Variants in ATP4A observed in about 807,000 individuals in gnomAD.
ATP4A encodes ATPase H+/K+ transporting subunit alpha.
In ATP4A, 73 loss-of-function variants were observed where a neutral mutation model predicts 112.1. That is an observed-to-expected ratio of 0.65 (90% CI 0.54 to 0.79). ATP4A has a LOEUF of 0.79. Ranked by LOEUF, ATP4A falls within the 30% of genes least tolerant of loss-of-function variation. ATP4A has a pLI of 0.00. For missense variants in ATP4A, 1,081 were observed against 1,425.9 expected (o/e 0.76, Z 3.90); for synonymous variants, 588 against 588.9 (o/e 1.00, Z 0.02).
chr19:35,559,947 A>G lies in ATP4A; in HGVS notation c.914T>C (p.Ile305Thr), dbSNP rs768066966. The G allele has an allele frequency of 6.2e-7, 1 of 1,614,218 alleles. No individual in the cohort carries two copies. Among genetic ancestry groups the G allele is most frequent in the East Asian group, 2.2e-5 (1 of 44,878 alleles). Residue 305 changes from isoleucine to threonine, a missense_variant, in exon 7 of 22, where the codon ATC becomes ACC. Transcript: ENST00000262623. This position sits in a 1 kb window ranked among gnomAD's most constrained non-coding sequence, Gnocchi z 4.1. ...IAIEIEHFVD[I>T]IAGLAILFGA... Reference sequence around the variant, plus strand: ...GAAGAGAATGGCCAGGCCCGCGATGATGTCCACAAAATGCTCGATCTCGAT... The same window carrying G: ...GAAGAGAATGGCCAGGCCCGCGATGGTGTCCACAAAATGCTCGATCTCGAT...
chr19:35,555,868 C>A lies in ATP4A; in HGVS notation c.1870-56G>T. 1 of 1,551,416 alleles carries A rather than the reference C, an allele frequency of 6.4e-7. No homozygotes were observed. The highest frequency in any genetic ancestry group is 8.8e-7 in the Non-Finnish European group (1 of 1,142,494). On this transcript the variant is annotated intron_variant, in intron 12 of 21. Transcript: ENST00000262623. This position sits in a 1 kb window ranked among gnomAD's most constrained non-coding sequence, Gnocchi z 6.6. ...CTTCAGATCAGCCCAATCTCCCTGT[C>A]CTCCCTGGGAGACATCTGCTGATAC...
At chr19:35,562,403 T>C (rs775625058) in intron 4 of ATP4A, 32 bp downstream of exon 4, 13 of 1,600,270 alleles carry the variant, frequency 8.1e-6, no homozygotes, top group Non-Finnish European at 1.1e-5. Flanking sequence ...CAGGTCCCCA[T>C]GTCCTGAGCC....
Position 35,559,254 on chromosome 19 carries a change from G to C in ATP4A, c.1057-63C>G, listed in dbSNP as rs566430523. 418 of 1,544,218 alleles carry C rather than the reference G, an allele frequency of 2.7e-4. No homozygotes were observed. In the African/African-American group the frequency reaches 4.9e-3, roughly 18 times the overall value. On this transcript the variant is annotated intron_variant, in intron 7 of 21. Transcript: ENST00000262623. The surrounding 1 kb of genome is among the most constrained non-coding windows in gnomAD (Gnocchi z 4.1). ...CCTGGCTTCCAGTCCTCTTCCCCGCGTCAAAGAACGGGGAAGGCTTTACCC... is the reference window on the plus strand; with the variant it reads ...CCTGGCTTCCAGTCCTCTTCCCCGCCTCAAAGAACGGGGAAGGCTTTACCC...
chr19:35,558,127 C>A lies in ATP4A; in HGVS notation c.1500+235G>T. 1 of 635,440 alleles carries A rather than the reference C, an allele frequency of 1.6e-6. No homozygotes were observed. The highest frequency in any genetic ancestry group is 2.7e-6 in the Non-Finnish European group (1 of 375,566). 39.4% of individuals were successfully genotyped at this position (635,440 alleles called of 1,614,324 possible). A position where few individuals can be genotyped will look rare whatever the true frequency, so the allele number is the denominator to read the frequency against. ...TTGGGCTGGGGGCGGATTTGGAGAG[C>A]GAGGTGCTCCCCATGGACAGTCCCG... On this transcript the variant is annotated intron_variant, in intron 10 of 21. Transcript: ENST00000262623. This position sits in a 1 kb window ranked among gnomAD's most constrained non-coding sequence, Gnocchi z 5.1.
chr19:35,557,233 G>C lies in ATP4A; in HGVS notation c.1694-145C>G, dbSNP rs1361729077. 5 of 927,488 alleles carry C rather than the reference G, an allele frequency of 5.4e-6. No individual in the cohort carries two copies. The highest frequency in any genetic ancestry group is 8.0e-6 in the Non-Finnish European group (5 of 622,288). 57.5% of individuals were successfully genotyped at this position (927,488 alleles called of 1,614,324 possible). On this transcript the variant is annotated intron_variant, in intron 11 of 21. Coordinates refer to ENST00000262623, the MANE Select transcript of ATP4A (RefSeq NM_000704.3). This position sits in a 1 kb window ranked among gnomAD's most constrained non-coding sequence, Gnocchi z 4.4. ...GCTGACCCCTTCACTCACATTATCT[G>C]AATCTACCCTCACAACCACCCTGTG...
rs777249685 is a variant in ATP4A, at chr19:35,555,146, C to T, written c.2326+20G>A. The T allele has an allele frequency of 6.2e-7, 1 of 1,614,060 alleles. No homozygotes were observed. Reference sequence around the variant, plus strand: ...CTCCTGTGCCCACACTGCCTGCCCTCCCCCTGGCGTGGCTCGGACCCTGCT... The same window carrying T: ...CTCCTGTGCCCACACTGCCTGCCCTTCCCCTGGCGTGGCTCGGACCCTGCT... On this transcript the variant is annotated intron_variant, in intron 15 of 21. Transcript: ENST00000262623. This position sits in a 1 kb window ranked among gnomAD's most constrained non-coding sequence, Gnocchi z 6.6.
chr19:35,555,803 C>A lies in ATP4A; in HGVS notation c.1879G>T (p.Val627Leu). The A allele has an allele frequency of 6.2e-7, 1 of 1,611,952 alleles. No individual in the cohort carries two copies. The highest frequency in any genetic ancestry group is 8.5e-7 in the Non-Finnish European group (1 of 1,178,484). Residue 627 changes from valine (V) to leucine (L), a missense_variant, in exon 13 of 22, where the codon GTA (valine) becomes TTA (leucine). Val to Leu is a conservative substitution (Grantham distance 32). Transcript: ENST00000262623. The surrounding 1 kb of genome is among the most constrained non-coding windows in gnomAD (Gnocchi z 6.6). ...CRTAGIRVIMVTGDHPITAKA... is the reference protein window; with the variant it reads ...CRTAGIRVIMLTGDHPITAKA... ...GCGGTGATGGGGTGGTCACCCGTTA[C>A]CATGATCACCTGTAGGGGGAACCAG... is the stretch of plus-strand genomic sequence containing the variant.
In ATP4A at chr19:35,550,613, C is replaced by T; in HGVS notation, c.*2G>A. On this transcript the variant is annotated 3_prime_UTR_variant, in exon 22 of 22. Transcript: ENST00000262623. This position sits in a 1 kb window ranked among gnomAD's most constrained non-coding sequence, Gnocchi z 4.1. ...CAGGGATGCTTGAAGGCAGTCGTCC[C>T]TCTAATAGTAGAGTTCCTGGTCCCA... 1 of 1,613,864 alleles carries T rather than the reference C, an allele frequency of 6.2e-7. No individual in the cohort carries two copies. Among genetic ancestry groups the T allele is most frequent in the African/African-American group, 1.3e-5 (1 of 74,988 alleles).
rs541624751 is a variant in ATP4A, at chr19:35,551,632, G to A, written c.2752-52C>T. 20 of 1,582,272 alleles carry A rather than the reference G, an allele frequency of 1.3e-5. No individual in the cohort carries two copies. The Admixed American group carries it at 2.2e-4, about 17-fold the overall frequency. Reference sequence around the variant, plus strand: ...GCCTGAGTCCAGCCTGAGTCCCGGCGGAGAGCCTCTGCAGCCCACCGGGCA... The same window carrying A: ...GCCTGAGTCCAGCCTGAGTCCCGGCAGAGAGCCTCTGCAGCCCACCGGGCA... On this transcript the variant is annotated intron_variant, in intron 18 of 21. Coordinates refer to ENST00000262623, the MANE Select transcript of ATP4A (RefSeq NM_000704.3). The surrounding 1 kb of genome is among the most constrained non-coding windows in gnomAD (Gnocchi z 5.2).
chr19:35,552,920 T>G (rs1599570273), intron 18 of ATP4A, 117 bp downstream of exon 18: 16 of 1,316,442 alleles, frequency 1.2e-5, no homozygotes, highest in South Asian at 3.3e-5. Context: ...AGTCTGGGGG[T>G]CCGGGATGCT....
chr19:35,550,570 C>T lies in ATP4A; in HGVS notation c.*45G>A, dbSNP rs1378945556. The T allele has an allele frequency of 2.5e-6, 4 of 1,611,496 alleles. No homozygotes were observed. The highest frequency in any genetic ancestry group is 2.7e-5 in the African/African-American group (2 of 74,852). On this transcript the variant is annotated 3_prime_UTR_variant, in exon 22 of 22. Coordinates refer to ENST00000262623, the MANE Select transcript of ATP4A (RefSeq NM_000704.3). The surrounding 1 kb of genome is among the most constrained non-coding windows in gnomAD (Gnocchi z 4.1). Reference sequence around the variant, plus strand: ...CAGAGGGTCCCACGAGCCCTGCCCCCACCTGCTGTGGCAGTTGCAGGGATG... The same window carrying T: ...CAGAGGGTCCCACGAGCCCTGCCCCTACCTGCTGTGGCAGTTGCAGGGATG...
chr19:35,556,595 G>C (rs965019499), intron 12 of ATP4A, among the ~76,000 whole-genome samples: 6 of 152,146 alleles, frequency 3.9e-5, no homozygotes, highest in African/African-American at 1.4e-4. Flanking sequence ...CTTTTTGTGG[G>C]GTGGCTAAGC....
At position 35,558,224 on chromosome 19, in the gene ATP4A, AGC is replaced by A; in HGVS notation, c.1500+136_1500+137del. The A allele has an allele frequency of 2.6e-6, 3 of 1,161,698 alleles. No homozygotes were observed. 72.0% of individuals were successfully genotyped at this position (1,161,698 alleles called of 1,614,324 possible). ...CTCTGGTGGACGGGGCCATAGGCGG[AGC>A]GGGAGATGGGGTGGGGTTTGGCTGC... On this transcript the variant is annotated intron_variant, in intron 10 of 21. Transcript: ENST00000262623. This position sits in a 1 kb window ranked among gnomAD's most constrained non-coding sequence, Gnocchi z 5.1.
rs778068179 is a variant in ATP4A at position 35,560,772 on chromosome 19, G to A, written c.534+47C>T. ...CTGATGGAAGGAGGCTACAGGAGCA[G>A]TTTGGAGTCTCTGGGATCTGGAGTG... is the stretch of plus-strand genomic sequence containing the variant. On this transcript the variant is annotated intron_variant, in intron 5 of 21. Coordinates refer to ENST00000262623, the MANE Select transcript of ATP4A (RefSeq NM_000704.3). This position sits in a 1 kb window ranked among gnomAD's most constrained non-coding sequence, Gnocchi z 5.1. 6.3e-7 allele frequency: 1 copy of A among 1,599,166 alleles called. No homozygotes were observed. Among genetic ancestry groups the A allele is most frequent in the Non-Finnish European group, 8.6e-7 (1 of 1,166,450 alleles).
Position 35,558,320 on chromosome 19 carries a change from G to A in ATP4A, c.1500+42C>T. 1.3e-6 allele frequency: 2 copies of A among 1,576,616 alleles called. No individual in the cohort carries two copies. Among genetic ancestry groups the A allele is most frequent in the Non-Finnish European group, 1.7e-6 (2 of 1,161,074 alleles). On this transcript the variant is annotated intron_variant, in intron 10 of 21. Transcript: ENST00000262623. The surrounding 1 kb of genome is among the most constrained non-coding windows in gnomAD (Gnocchi z 5.1). ...GTGGGTGTGGCCTGGGGCGGGGCCC[G>A]AGGTGGGCGGGCCCAGGCCGTGGGC... is the stretch of plus-strand genomic sequence containing the variant.
rs753645038 is a variant in ATP4A, at chr19:35,555,203, A to G, written c.2289T>C (p.Asp763=). The stretch of plus-strand genomic sequence containing the variant: ...CTGTCACAATGGAGGCAAAGTTGTC[A>G]TCCAGCAGGATCATGTCAGCTGCAT... The part of the protein sequence containing the change: ...AKNAADMILL[D]DNFASIVTGV... Residue 763 remains aspartate, a synonymous_variant, in exon 15 of 22, where the codon GAT becomes GAC. Coordinates refer to ENST00000262623, the MANE Select transcript of ATP4A (RefSeq NM_000704.3). The surrounding 1 kb of genome is among the most constrained non-coding windows in gnomAD (Gnocchi z 6.6). 10 of 1,614,144 alleles carry G rather than the reference A, an allele frequency of 6.2e-6. No homozygotes were observed. The highest frequency in any genetic ancestry group is 8.5e-6 in the Non-Finnish European group (10 of 1,180,024).
Position 35,560,056 on chromosome 19 carries a change from C to G in ATP4A, c.805G>C (p.Val269Leu). ...MCLEGTVQGL[V>L]VNTGDRTIIG... ...ATGGTGCGGTCGCCCGTGTTCACCACCAGGCCCTGCACGGTGCCTGCAGGG... is the reference window on the plus strand; with the variant it reads ...ATGGTGCGGTCGCCCGTGTTCACCAGCAGGCCCTGCACGGTGCCTGCAGGG... Residue 269 changes from valine to leucine, a missense_variant, in exon 7 of 22, where the codon GTG (valine) becomes CTG (leucine). By Grantham distance (32) the Val-to-Leu change is conservative. Coordinates refer to ENST00000262623, the MANE Select transcript of ATP4A (RefSeq NM_000704.3). The surrounding 1 kb of genome is among the most constrained non-coding windows in gnomAD (Gnocchi z 5.1). 1 of 1,614,004 alleles carries G rather than the reference C, an allele frequency of 6.2e-7. No individual in the cohort carries two copies. The highest frequency in any genetic ancestry group is 8.5e-7 in the Non-Finnish European group (1 of 1,179,922).
In ATP4A at chr19:35,558,731, C is replaced by T. The variant is rs566221157; in HGVS notation, c.1256-45G>A. The T allele has an allele frequency of 6.9e-5, 105 of 1,526,186 alleles. No homozygotes were observed. The South Asian group carries it at 1.0e-3, about 15-fold the overall frequency. 94.5% of individuals were successfully genotyped at this position (1,526,186 alleles called of 1,614,324 possible). Reference sequence around the variant, plus strand: ...GCTGGGTCCCGCACGGCGGCTCTCCCGGACCAGAACCGAGCCCCCTCCTCC... The same window carrying T: ...GCTGGGTCCCGCACGGCGGCTCTCCTGGACCAGAACCGAGCCCCCTCCTCC... On this transcript the variant is annotated intron_variant, in intron 8 of 21. Transcript: ENST00000262623. This position sits in a 1 kb window ranked among gnomAD's most constrained non-coding sequence, Gnocchi z 5.1.
In ATP4A at chr19:35,557,503, T is replaced by G; in HGVS notation, c.1693+152A>C. On this transcript the variant is annotated intron_variant, in intron 11 of 21. Coordinates refer to ENST00000262623, the MANE Select transcript of ATP4A (RefSeq NM_000704.3). This position sits in a 1 kb window ranked among gnomAD's most constrained non-coding sequence, Gnocchi z 4.4. ...GAGGACAGACAGGGGTCAGGACTGG[T>G]ACAGGGAAAGTCAAGGGTGAGGCTG... 1 of 948,110 alleles carries G rather than the reference T, an allele frequency of 1.1e-6. No homozygotes were observed. The highest frequency in any genetic ancestry group is 1.5e-6 in the Non-Finnish European group (1 of 647,968). 58.7% of individuals were successfully genotyped at this position (948,110 alleles called of 1,614,324 possible).
Sources: gnomAD v4.1 joint callset for allele counts (sites outside exome capture counted in the v4.1 genomes callset) on GRCh38, gnomAD v4.1.1 for gene constraint, Gnocchi (gnomAD v3.1) non-coding constraint, MANE v1.5 for transcripts, NCBI Gene and HGNC (gene_info 2026-07-23, HGNC 2026-07-21) for gene names.